Variants in KIRREL3 observed in about 807,000 individuals in gnomAD.
The protein encoded by KIRREL3 is kirre like nephrin family adhesion molecule 3.
Under a neutral mutation model 89.7 loss-of-function variants are expected in KIRREL3, and 36 were observed. The ratio of observed to expected loss-of-function variants is 0.40; its 90% CI spans 0.31 to 0.53. The LOEUF (loss-of-function observed/expected upper bound fraction) is 0.53. Among genes scored for constraint, KIRREL3 ranks in the 20% least tolerant of loss-of-function variants. KIRREL3 has a pLI of 0.49. For synonymous variants in KIRREL3, 445 were observed against 441.4 expected, an observed-to-expected ratio of 1.01 and a Z score of -0.10; for missense variants, 864 against 1,056.6, an observed-to-expected ratio of 0.82 and a Z score of 2.53.
chr11:126,937,254 A>G (rs1948227615), intron 1 of KIRREL3: 1 of 152,256 alleles, frequency 6.6e-6, no homozygotes, highest in African/African-American at 2.4e-5. Context: ...CCTCCCATTT[A>G]TCTCAGTGTG....
In KIRREL3 at chr11:126,544,374, A is replaced by G. The variant is rs1938614124; in HGVS notation, c.134-17687T>C. On this transcript the variant is annotated intron_variant, in intron 2 of 16. Coordinates refer to ENST00000525144, the MANE Select transcript of KIRREL3 (RefSeq NM_032531.4). This position sits in a 1 kb window ranked among gnomAD's most constrained non-coding sequence, Gnocchi z 5.6. ...GCAGGAGGGATTCTGAATGGGAGGT[A>G]TTGTAACCCCTTGAATCAAACTTTA... 6.6e-6 allele frequency: 1 copy of G among 152,212 alleles called. No individual in the cohort carries two copies. 9.4% of individuals were successfully genotyped at this position (152,212 alleles called of 1,614,324 possible).
In KIRREL3 at chr11:126,750,348, G is replaced by C. The variant is rs367881932; in HGVS notation, c.56-187436C>G. Among the ~76,000 whole-genome samples the C allele has an allele frequency of 1.0e-3, 155 of 152,262 alleles. 1 individual carries two copies. The South Asian group carries it at 0.029, about 29-fold the overall frequency. ...GGATGTTCTCAACTATGGCACTCTG[G>C]TTGTAAATATGTTTGATGCTCCTAC... On this transcript the variant is annotated intron_variant, in intron 1 of 16. Coordinates refer to ENST00000525144, the MANE Select transcript of KIRREL3 (RefSeq NM_032531.4). The surrounding 1 kb of genome is among the most constrained non-coding windows in gnomAD (Gnocchi z 4.2).
chr11:126,793,309 A>G (rs1950704508), intron 1 of KIRREL3, among the ~76,000 whole-genome samples: 1 of 152,204 alleles, frequency 6.6e-6, no homozygotes, highest in African/African-American at 2.4e-5. Context: ...AGTTTTGCTA[A>G]TGCAATAAGG....
chr11:126,893,385 T>C (rs1359152114), intron 1 of KIRREL3, among the ~76,000 whole-genome samples: 1 of 152,240 alleles, frequency 6.6e-6, no homozygotes, highest in Non-Finnish European at 1.5e-5. Flanking sequence ...AAGCTTCTAA[T>C]GATTGCAAGG....
rs1413586880 is a variant in KIRREL3, at chr11:126,490,154, C to T, written c.434-16688G>A. Among the ~76,000 whole-genome samples, 1 of 136,102 alleles carries T rather than the reference C, an allele frequency of 7.3e-6. No homozygotes were observed. Among genetic ancestry groups the T allele is most frequent in the Non-Finnish European group, 1.5e-5 (1 of 65,842 alleles). The allele number at this position is 136,102 out of a possible 152,430, so 89.3% of individuals were successfully genotyped here. A position where few individuals can be genotyped will look rare whatever the true frequency, so the allele number is the denominator to read the frequency against. On this transcript the variant is annotated intron_variant, in intron 4 of 16. Coordinates refer to ENST00000525144, the MANE Select transcript of KIRREL3 (RefSeq NM_032531.4). The surrounding 1 kb of genome is among the most constrained non-coding windows in gnomAD (Gnocchi z 4.2). ...GGCCAGAGGCATACATAATCCAAAT[C>T]TGGTGTATAATTGAGAATATTATTT...
At chr11:126,469,253 C>T (rs1956815624) in intron 5 of KIRREL3, among the ~76,000 whole-genome samples, 1 of 152,254 alleles carries the variant, frequency 6.6e-6, no homozygotes. Flanking sequence ...CCACTGAGGG[C>T]GTCAGACCCG....
intron 1 of KIRREL3, among the ~76,000 whole-genome samples, chr11:126,842,001 G>T (rs1943978255): frequency 6.6e-6 from 1 of 152,208 alleles, no homozygotes; most frequent in South Asian, 2.1e-4. Flanking sequence ...GCCCTGGGCA[G>T]GCCCTGCACC....
chr11:126,803,854 A>G (rs1376503988), intron 1 of KIRREL3, among the ~76,000 whole-genome samples: 2 of 152,216 alleles, frequency 1.3e-5, no homozygotes, highest in Admixed American at 6.5e-5. Context: ...CTGGGATGCT[A>G]CTGCCACACA....
rs1894222 is a variant in KIRREL3, at chr11:126,830,999, A to G, written c.55+169456T>C. ...TTCACAGATGCTAAACCCCCAGCAT[A>G]GCAGTTAGGAGCATGGACTGTGGAT... is the stretch of plus-strand genomic sequence containing the variant. On this transcript the variant is annotated intron_variant, in intron 1 of 16. Transcript: ENST00000525144. This position sits in a 1 kb window ranked among gnomAD's most constrained non-coding sequence, Gnocchi z 4.9. Among the ~76,000 whole-genome samples, 36,019 of 152,122 alleles carry G rather than the reference A, an allele frequency of 0.24. 4,801 individuals are homozygous for G. Among genetic ancestry groups the G allele is most frequent in the Non-Finnish European group, 0.31 (20,834 of 67,980 alleles).
In KIRREL3 at chr11:126,988,082, T is replaced by A. The variant is rs1173329285; in HGVS notation, c.55+12373A>T. Among the ~76,000 whole-genome samples the A allele has an allele frequency of 2.0e-5, 3 of 152,182 alleles. No homozygotes were observed. The East Asian group carries it at 5.8e-4, about 29-fold the overall frequency. ...TTGACAGAAAAGGAGGGTTTTGAAG[T>A]TCTGGAAAGTCTTTTTATGTAGAGT... On this transcript the variant is annotated intron_variant, in intron 1 of 16. Transcript: ENST00000525144.
intron 1 of KIRREL3, among the ~76,000 whole-genome samples, chr11:126,833,676 G>A (rs1487873071): frequency 6.6e-6 from 1 of 152,184 alleles, no homozygotes; most frequent in Non-Finnish European, 1.5e-5. Flanking sequence ...TAGCCCCCGA[G>A]TGCTGCATGT....
rs181571761 is a variant in KIRREL3, at chr11:126,491,847, G to A, written c.434-18381C>T. Among the ~76,000 whole-genome samples the A allele has an allele frequency of 1.5e-4, 23 of 152,068 alleles. No homozygotes were observed. The East Asian group carries it at 2.3e-3, about 15-fold the overall frequency. ...TGCCTGAGTAGCTGGGACTACAGGC[G>A]CGCACCACCATGCCTGGCTAATTTT... is the stretch of plus-strand genomic sequence containing the variant. On this transcript the variant is annotated intron_variant, in intron 4 of 16. Coordinates refer to ENST00000525144, the MANE Select transcript of KIRREL3 (RefSeq NM_032531.4). This position sits in a 1 kb window ranked among gnomAD's most constrained non-coding sequence, Gnocchi z 5.5.
At chr11:126,547,360 G>A (rs1177047299) in intron 2 of KIRREL3, among the ~76,000 whole-genome samples, 1 of 152,148 alleles carries the variant, frequency 6.6e-6, no homozygotes, top group African/African-American at 2.4e-5. Context: ...CATTTTGTTA[G>A]GTCTCATGTA....
intron 1 of KIRREL3, among the ~76,000 whole-genome samples, chr11:126,813,469 T>C (rs533164944): frequency 6.6e-6 from 1 of 152,322 alleles, no homozygotes; most frequent in South Asian, 2.1e-4. Context: ...TAAAAAGTTA[T>C]AAATATTCTG....
chr11:126,828,007 C>T (rs1234446720), intron 1 of KIRREL3, among the ~76,000 whole-genome samples: 1 of 152,150 alleles, frequency 6.6e-6, no homozygotes, highest in Non-Finnish European at 1.5e-5. Context: ...TTTTCTGACA[C>T]AGTTTCTCAT....
rs1241609487 is a variant in KIRREL3 at position 126,476,497 on chromosome 11, G to A, written c.434-3031C>T. The stretch of plus-strand genomic sequence containing the variant: ...AGGACGAGGGAGGAGGGAGTGGGGC[G>A]TGTTGTGGGAGTGCTCAGGCACACG... On this transcript the variant is annotated intron_variant, in intron 4 of 16. Coordinates refer to ENST00000525144, the MANE Select transcript of KIRREL3 (RefSeq NM_032531.4). This position sits in a 1 kb window ranked among gnomAD's most constrained non-coding sequence, Gnocchi z 6.4. Among the ~76,000 whole-genome samples the A allele has an allele frequency of 2.6e-5, 4 of 152,236 alleles. No individual in the cohort carries two copies. Among genetic ancestry groups the A allele is most frequent in the African/African-American group, 4.8e-5 (2 of 41,460 alleles).
At chr11:126,824,786 A>G (rs760185247) in intron 1 of KIRREL3, among the ~76,000 whole-genome samples, 10 of 152,168 alleles carry the variant, frequency 6.6e-5, no homozygotes, top group African/African-American at 9.7e-5. Context: ...TCAGATATGC[A>G]TTTGTCTCAG....
At position 126,459,713 on chromosome 11, in the gene KIRREL3, C is replaced by T. The variant is rs777593483; in HGVS notation, c.743-3259G>A. On this transcript the variant is annotated intron_variant, in intron 6 of 16. Coordinates refer to ENST00000525144, the MANE Select transcript of KIRREL3 (RefSeq NM_032531.4). This position sits in a 1 kb window ranked among gnomAD's most constrained non-coding sequence, Gnocchi z 4.8. ...GAGAGTCTGTTAGTGTTTCCATCCG[C>T]CCGTGTGTGCGTGTGTCCATGTGTG... Among the ~76,000 whole-genome samples, 1 of 152,208 alleles carries T rather than the reference C, an allele frequency of 6.6e-6. No homozygotes were observed. Among genetic ancestry groups the T allele is most frequent in the Non-Finnish European group, 1.5e-5 (1 of 67,996 alleles).
chr11:126,518,050 A>G (rs574554675), intron 4 of KIRREL3, among the ~76,000 whole-genome samples: 1 of 152,178 alleles, frequency 6.6e-6, no homozygotes, highest in Non-Finnish European at 1.5e-5. Context: ...TAAAATCCCC[A>G]GTCTTTGCCT....
Sources: gnomAD v4.1 joint callset for allele counts (sites outside exome capture counted in the v4.1 genomes callset) on GRCh38, gnomAD v4.1.1 for gene constraint, Gnocchi (gnomAD v3.1) non-coding constraint, MANE v1.5 for transcripts, NCBI Gene and HGNC (gene_info 2026-07-23, HGNC 2026-07-21) for gene names.